Variants in DCC observed in about 807,000 individuals in gnomAD.
DCC encodes the protein DCC netrin 1 receptor, also known as netrin receptor DCC.
Under a neutral mutation model 172.5 loss-of-function variants are expected in DCC, and 58 were observed. The ratio of observed to expected loss-of-function variants is 0.34; its 90% CI spans 0.27 to 0.42. The LOEUF (loss-of-function observed/expected upper bound fraction) is 0.42, where lower values mean the gene tolerates loss of function less well. Among genes scored for constraint, DCC ranks in the 10% least tolerant of loss-of-function variants. The probability of loss-of-function intolerance (pLI) is 1.00; values close to 1 mark genes in which losing one functional copy is unlikely to be tolerated. For missense variants in DCC, 1,740 were observed against 1,791.0 expected, an observed-to-expected ratio of 0.97 and a Z score of 0.51; for synonymous variants, 709 against 644.5, an observed-to-expected ratio of 1.10 and a Z score of -1.52.
At chr18:52,595,292 C>A (rs189427286) in intron 1 of DCC, among the ~76,000 whole-genome samples, 4 of 152,156 alleles carry the variant, frequency 2.6e-5, no homozygotes, top group Admixed American at 1.3e-4. Flanking sequence ...CACCTCCCAT[C>A]ATTTCCTGAC....
chr18:53,097,265 T>C (rs2043101153), intron 7 of DCC, among the ~76,000 whole-genome samples: 3 of 152,186 alleles, frequency 2.0e-5, no homozygotes. Flanking sequence ...GAGTCAGTTG[T>C]TGTTGATTTA....
chr18:52,426,044 A>G (rs1987414024), intron 1 of DCC, among the ~76,000 whole-genome samples: 1 of 152,138 alleles, frequency 6.6e-6, no homozygotes, highest in Non-Finnish European at 1.5e-5. Context: ...ACAGAAGCAC[A>G]TAGCAATTTC....
chr18:52,623,436 A>G (rs2034517683), intron 1 of DCC, among the ~76,000 whole-genome samples: 1 of 152,200 alleles, frequency 6.6e-6, no homozygotes, highest in African/African-American at 2.4e-5. Context: ...TGGCATTTGC[A>G]TTATCAGGAG....
intron 8 of DCC, among the ~76,000 whole-genome samples, chr18:53,171,234 G>GT (rs1227255744): frequency 6.6e-6 from 1 of 152,072 alleles, no homozygotes; most frequent in Admixed American, 6.6e-5. Context: ...GCAGATTTCT[G>GT]GAAAGTGGCA....
chr18:52,959,513 T>A (rs118072974), intron 5 of DCC, among the ~76,000 whole-genome samples: 1,901 of 149,376 alleles, frequency 0.013, 22 homozygotes, highest in Middle Eastern at 0.024. Context: ...TGGGCTTCGA[T>A]GGAACCCGTC....
At chr18:52,907,732 C>T (rs1358264581) in intron 3 of DCC, among the ~76,000 whole-genome samples, 1 of 152,114 alleles carries the variant, frequency 6.6e-6, no homozygotes, top group African/African-American at 2.4e-5. Flanking sequence ...TGAACAATCA[C>T]TTACTTGTCC....
intron 1 of DCC, among the ~76,000 whole-genome samples, chr18:52,546,660 A>G (rs2032625293): frequency 1.3e-5 from 1 of 74,434 alleles, no homozygotes; most frequent in African/African-American, 5.9e-5. Flanking sequence ...CAATAATAAT[A>G]TCATCATCAT....
intron 22 of DCC, among the ~76,000 whole-genome samples, chr18:53,450,015 T>C (rs2045387844): frequency 6.6e-6 from 1 of 152,126 alleles, no homozygotes; most frequent in East Asian, 1.9e-4. Context: ...TCCTTTTGTG[T>C]CTGGCTTCTC....
chr18:52,826,752 T>A (rs1045276360), intron 2 of DCC, among the ~76,000 whole-genome samples: 4 of 152,190 alleles, frequency 2.6e-5, no homozygotes, highest in African/African-American at 4.8e-5. Flanking sequence ...GTGCTGGGAT[T>A]ACAGGTGTGA....
intron 8 of DCC, among the ~76,000 whole-genome samples, chr18:53,162,679 G>A (rs1170554158): frequency 6.6e-6 from 1 of 152,098 alleles, no homozygotes; most frequent in East Asian, 1.9e-4. Flanking sequence ...AGATCCACAT[G>A]GATCATTCCC....
chr18:52,719,339 G>GA (rs112204849), intron 1 of DCC, among the ~76,000 whole-genome samples: 12,481 of 151,646 alleles, frequency 0.082, 514 homozygotes, highest in Middle Eastern at 0.096. Flanking sequence ...GAAAGAAAAA[G>GA]AAAAAAAATC....
chr18:52,950,728 T>C (rs1384144087), intron 5 of DCC, among the ~76,000 whole-genome samples: 1 of 151,378 alleles, frequency 6.6e-6, no homozygotes, highest in African/African-American at 2.4e-5. Flanking sequence ...ATCGAGACCA[T>C]CCTGGCTAAC....
chr18:52,791,224 C>T (rs940970925), intron 2 of DCC, among the ~76,000 whole-genome samples: 5 of 152,132 alleles, frequency 3.3e-5, no homozygotes, highest in African/African-American at 1.2e-4. Flanking sequence ...TTTTGCAATG[C>T]TTGCAAAGGT....
chr18:52,561,425 T>G lies in DCC; in HGVS notation c.92-190629T>G, dbSNP rs374922708. Among the ~76,000 whole-genome samples, 451 of 151,378 alleles carry G rather than the reference T, an allele frequency of 3.0e-3. 5 individuals carry two copies. The highest frequency in any genetic ancestry group is 0.016 in the South Asian group (77 of 4,818). On this transcript the variant is annotated intron_variant, in intron 1 of 28. Coordinates refer to ENST00000442544, the MANE Select transcript of DCC (RefSeq NM_005215.4). ...TATAAATATATACATATATATATGT[T>G]TGTGTGTGTATGTCTATGTGCTACA...
chr18:52,351,237 C>A (rs1568127874), intron 1 of DCC, among the ~76,000 whole-genome samples: 1 of 152,216 alleles, frequency 6.6e-6, no homozygotes, highest in East Asian at 1.9e-4. Context: ...GTACCCAGGA[C>A]CACTAGAACT....
intron 7 of DCC, among the ~76,000 whole-genome samples, chr18:53,110,304 A>G (rs7235942): frequency 0.16 from 23,661 of 151,684 alleles, 2,313 homozygotes; most frequent in African/African-American, 0.27. Flanking sequence ...CAAAGCCTGT[A>G]GTTGGCATTT....
intron 2 of DCC, among the ~76,000 whole-genome samples, chr18:52,833,007 G>C (rs1363676618): frequency 6.6e-6 from 1 of 152,080 alleles, no homozygotes; most frequent in Non-Finnish European, 1.5e-5. Flanking sequence ...AGCCAAATGA[G>C]AATATATAAC....
chr18:52,693,150 G>A (rs72914247), intron 1 of DCC, among the ~76,000 whole-genome samples: 16,393 of 148,342 alleles, frequency 0.11, 1,101 homozygotes, highest in East Asian at 0.29. Context: ...AAGAACCCTG[G>A]GGTATTGGAT....
chr18:52,477,233 T>C (rs1007691212), intron 1 of DCC, among the ~76,000 whole-genome samples: 1 of 152,162 alleles, frequency 6.6e-6, no homozygotes, highest in Non-Finnish European at 1.5e-5. Flanking sequence ...GGATCACCAT[T>C]CCCTGCATCA....
Sources: gnomAD v4.1 joint callset for allele counts (sites outside exome capture counted in the v4.1 genomes callset) on GRCh38, gnomAD v4.1.1 for gene constraint, MANE v1.5 for transcripts, NCBI Gene and HGNC (gene_info 2026-07-23, HGNC 2026-07-21) for gene names.